Variants in LRBA observed in about 807,000 individuals in gnomAD.
The protein encoded by LRBA is LPS responsive beige-like anchor protein.
Under a neutral mutation model 330.0 loss-of-function variants are expected in LRBA, and 176 were observed. That is an observed-to-expected ratio of 0.53 (90% CI 0.47 to 0.60). The LOEUF is 0.60. Ranked by LOEUF, LRBA falls within the 20% of genes least tolerant of loss-of-function variation. The pLI, the probability that LRBA is intolerant of heterozygous loss-of-function variation, is 0.00. For missense variants in LRBA, 3,259 were observed against 3,444.8 expected, an observed-to-expected ratio of 0.95 and a Z score of 1.35; for synonymous variants, 1,230 against 1,193.0, an observed-to-expected ratio of 1.03 and a Z score of -0.64.
At chr4:150,520,750 A>T (rs961273164) in intron 40 of LRBA, among the ~76,000 whole-genome samples, 1 of 152,206 alleles carries the variant, frequency 6.6e-6, no homozygotes, top group African/African-American at 2.4e-5. Context: ...ACTCATGGAC[A>T]CAAAGAAGGG....
chr4:150,347,181 T>C (rs566540987), intron 48 of LRBA, among the ~76,000 whole-genome samples: 46 of 152,238 alleles, frequency 3.0e-4, no homozygotes, highest in African/African-American at 8.7e-4. Flanking sequence ...TTTATAGAGA[T>C]AAAAAGTAGC....
chr4:150,825,375 G>C lies in LRBA; in HGVS notation c.5171+2805C>G, dbSNP rs950928837. Among the ~76,000 whole-genome samples the C allele has an allele frequency of 4.5e-4, 69 of 151,732 alleles. 1 individual carries two copies. Among genetic ancestry groups the C allele is most frequent in the Admixed American group, 3.1e-3 (47 of 15,234 alleles). On this transcript the variant is annotated intron_variant, in intron 30 of 56. Coordinates refer to ENST00000651943, the MANE Select transcript of LRBA (RefSeq NM_001364905.1). ...AGCACGCAGTTCATCTCTTTTTATG[G>C]GGCAGGGGGGGAAGGAGTTTTGCTC...
intron 17 of LRBA, among the ~76,000 whole-genome samples, chr4:150,886,099 G>A (rs1246922348): frequency 6.6e-6 from 1 of 152,054 alleles, no homozygotes; most frequent in Non-Finnish European, 1.5e-5. Flanking sequence ...TAAAATTATA[G>A]GGGAAAAAAA....
chr4:150,423,913 A>C (rs1749185634), intron 46 of LRBA, among the ~76,000 whole-genome samples: 1 of 152,236 alleles, frequency 6.6e-6, no homozygotes, highest in Admixed American at 6.5e-5. Flanking sequence ...TACGTTGTGA[A>C]AACAACTAGC....
At position 150,302,563 on chromosome 4, in the gene LRBA, A is replaced by G. The variant is rs1729810495; in HGVS notation, c.8017+62T>C. 1.6e-5 allele frequency: 19 copies of G among 1,165,774 alleles called. No individual in the cohort carries two copies. In the South Asian group the frequency reaches 4.1e-4, roughly 25 times the overall value. The allele number at this position is 1,165,774 out of a possible 1,614,324, so 72.2% of individuals were successfully genotyped here. A position where few individuals can be genotyped will look rare whatever the true frequency, so the allele number is the denominator to read the frequency against. ...TTTACCATAACAAAAAGGTAACTTTACTGCAAAATGTTATTCTCTACATCC... is the reference window on the plus strand; with the variant it reads ...TTTACCATAACAAAAAGGTAACTTTGCTGCAAAATGTTATTCTCTACATCC... On this transcript the variant is annotated intron_variant, in intron 53 of 56. Coordinates refer to ENST00000651943, the MANE Select transcript of LRBA (RefSeq NM_001364905.1).
At chr4:150,538,183 T>C (rs1231058959) in intron 40 of LRBA, among the ~76,000 whole-genome samples, 1 of 152,218 alleles carries the variant, frequency 6.6e-6, no homozygotes. Context: ...TATACACTGT[T>C]GGTGGAAATG....
intron 13 of LRBA, among the ~76,000 whole-genome samples, chr4:150,901,241 G>A (rs905148536): frequency 1.3e-5 from 2 of 152,062 alleles, no homozygotes; most frequent in Non-Finnish European, 2.9e-5. Flanking sequence ...AGAGAGTGCA[G>A]TAAGCCGAGA....
intron 37 of LRBA, among the ~76,000 whole-genome samples, chr4:150,665,474 T>C (rs1171242110): frequency 6.6e-6 from 1 of 152,150 alleles, no homozygotes; most frequent in Non-Finnish European, 1.5e-5. Flanking sequence ...GTTAACACTT[T>C]TCTGCAAAGT....
In LRBA at chr4:150,803,115, T is replaced by C. The variant is rs1049092423; in HGVS notation, c.5518+3156A>G. Among the ~76,000 whole-genome samples, 8 of 143,314 alleles carry C rather than the reference T, an allele frequency of 5.6e-5. No individual in the cohort carries two copies. In the East Asian group the frequency reaches 6.5e-4, roughly 12 times the overall value. The allele number at this position is 143,314 out of a possible 152,430, so 94.0% of individuals were successfully genotyped here. On this transcript the variant is annotated intron_variant, in intron 33 of 56. Coordinates refer to ENST00000651943, the MANE Select transcript of LRBA (RefSeq NM_001364905.1). ...ACACACACACACACACACACATATA[T>C]ACACACACAAATATATATATGTCTA...
At chr4:150,896,994 TAAAA>T (rs1158625389) in intron 15 of LRBA, among the ~76,000 whole-genome samples, 1 of 123,180 alleles carries the variant, frequency 8.1e-6, no homozygotes, top group Admixed American at 8.1e-5. Context: ...AGCTGCAATC[TAAAA>T]AAAAAAAAAC....
intron 2 of LRBA, among the ~76,000 whole-genome samples, chr4:150,935,289 G>A (rs1224558279): frequency 1.3e-5 from 2 of 151,818 alleles, no homozygotes; most frequent in African/African-American, 4.8e-5. Context: ...AGTAACTTCA[G>A]CTCAAAATGT....
At chr4:150,295,209 T>C (rs552321233) in intron 53 of LRBA, among the ~76,000 whole-genome samples, 50 of 149,548 alleles carry the variant, frequency 3.3e-4, no homozygotes, top group African/African-American at 1.2e-3. Context: ...TTTTTTTTTT[T>C]TTTTTTTTTT....
chr4:150,381,377 T>C (rs1177023118), intron 47 of LRBA, among the ~76,000 whole-genome samples: 1 of 152,210 alleles, frequency 6.6e-6, no homozygotes, highest in Admixed American at 6.5e-5. Context: ...CCTCACACCC[T>C]GACAACCACT....
chr4:150,898,244 A>C (rs1218782339), intron 14 of LRBA, among the ~76,000 whole-genome samples: 2 of 152,216 alleles, frequency 1.3e-5, no homozygotes, highest in East Asian at 3.8e-4. Context: ...AGTATGACAA[A>C]ATTTTTCTAC....
intron 40 of LRBA, among the ~76,000 whole-genome samples, chr4:150,586,563 A>G (rs536677175): frequency 1.3e-5 from 2 of 152,280 alleles, no homozygotes; most frequent in South Asian, 2.1e-4. Context: ...AATATAAGGA[A>G]GGTTGCAGTG....
chr4:150,801,299 A>G (rs1252624324), intron 33 of LRBA, among the ~76,000 whole-genome samples: 3 of 152,188 alleles, frequency 2.0e-5, no homozygotes, highest in Non-Finnish European at 4.4e-5. Context: ...AAACACAACC[A>G]TCTTGAAAAC....
intron 36 of LRBA, among the ~76,000 whole-genome samples, chr4:150,684,392 T>C (rs1409689369): frequency 6.6e-6 from 1 of 152,114 alleles, no homozygotes; most frequent in African/African-American, 2.4e-5. Context: ...TACCAAGAGC[T>C]CTGGGATTGC....
chr4:150,476,658 G>T (rs1756743452), intron 42 of LRBA, among the ~76,000 whole-genome samples: 2 of 152,106 alleles, frequency 1.3e-5, no homozygotes, highest in Non-Finnish European at 2.9e-5. Flanking sequence ...TAAACTCCTT[G>T]GTTAGTGCTC....
chr4:150,360,416 T>C (rs1463523045), intron 47 of LRBA, among the ~76,000 whole-genome samples: 1 of 152,214 alleles, frequency 6.6e-6, no homozygotes, highest in African/African-American at 2.4e-5. Flanking sequence ...AGAAATTATT[T>C]TGTATTAAAT....
Sources: gnomAD v4.1 joint callset for allele counts (sites outside exome capture counted in the v4.1 genomes callset) on GRCh38, gnomAD v4.1.1 for gene constraint, MANE v1.5 for transcripts, NCBI Gene and HGNC (gene_info 2026-07-23, HGNC 2026-07-21) for gene names.